TMEM132D: variants seen among roughly 807,000 people sequenced by gnomAD.
The protein encoded by TMEM132D is transmembrane protein 132D.
A neutral mutation model predicts 62.3 loss-of-function variants in TMEM132D; 21 were observed. The observed-to-expected ratio is 0.34, with a 90% CI of 0.24 to 0.49. TMEM132D has a LOEUF of 0.49. Ranked by LOEUF, TMEM132D falls within the 20% of genes least tolerant of loss-of-function variation. The probability of loss-of-function intolerance (pLI) is 0.99; values close to 1 mark genes in which losing one functional copy is unlikely to be tolerated. For synonymous variants in TMEM132D, 621 were observed against 575.6 expected (o/e 1.08, Z -1.13); for missense variants, 1,346 against 1,402.8 (o/e 0.96, Z 0.65).
intron 2 of TMEM132D, among the ~76,000 whole-genome samples, chr12:129,544,498 T>C (rs1876677891): frequency 6.6e-6 from 1 of 152,254 alleles, no homozygotes; most frequent in South Asian, 2.1e-4. Context: ...TTTCTTGGAC[T>C]ATCCACTTGC....
intron 1 of TMEM132D, among the ~76,000 whole-genome samples, chr12:129,815,466 C>T (rs945907982): frequency 1.3e-5 from 2 of 152,222 alleles, no homozygotes; most frequent in African/African-American, 4.8e-5. Flanking sequence ...CGAACCCAAG[C>T]CTACAGCTAT....
chr12:129,358,677 T>G (rs1360238583), intron 3 of TMEM132D, among the ~76,000 whole-genome samples: 1 of 152,102 alleles, frequency 6.6e-6, no homozygotes, highest in East Asian at 1.9e-4. Context: ...AGGTATTTGG[T>G]GAAATAACAG....
chr12:129,291,242 G>C lies in TMEM132D; in HGVS notation c.1299+46392C>G, dbSNP rs552696182. ...GCCCTAATTTTAATGCATGCTAATA[G>C]ATGTGTTCATTATTGAGGAATTCAG... is the stretch of plus-strand genomic sequence containing the variant. On this transcript the variant is annotated intron_variant, in intron 4 of 8. Coordinates refer to ENST00000422113, the MANE Select transcript of TMEM132D (RefSeq NM_133448.3). 2.4e-4 allele frequency among the ~76,000 whole-genome samples: 36 copies of C among 152,286 alleles called. No individual in the cohort carries two copies. The East Asian group carries it at 6.9e-3, about 29-fold the overall frequency.
chr12:129,395,341 C>T (rs6486455), intron 3 of TMEM132D, among the ~76,000 whole-genome samples: 11,812 of 152,094 alleles, frequency 0.078, 1,085 homozygotes, highest in African/African-American at 0.23. Context: ...ACCTGAAGTC[C>T]AGTAACTAAG....
At chr12:129,731,884 G>A (rs893281308) in intron 1 of TMEM132D, among the ~76,000 whole-genome samples, 8 of 152,098 alleles carry the variant, frequency 5.3e-5, no homozygotes, top group Admixed American at 2.0e-4. Context: ...GGATGGTCTC[G>A]ATCTCCTGAC....
intron 5 of TMEM132D, among the ~76,000 whole-genome samples, chr12:129,135,709 C>A (rs771295815): frequency 2.6e-5 from 4 of 152,026 alleles, no homozygotes; most frequent in Non-Finnish European, 4.4e-5. Flanking sequence ...AGGATGTTAG[C>A]AGGGTTGGTT....
In TMEM132D at chr12:129,569,282, C is replaced by T. The variant is rs1424753238; in HGVS notation, c.969-38077G>A. Among the ~76,000 whole-genome samples, 6 of 152,296 alleles carry T rather than the reference C, an allele frequency of 3.9e-5. No homozygotes were observed. In the East Asian group the frequency reaches 7.7e-4, roughly 20 times the overall value. On this transcript the variant is annotated intron_variant, in intron 2 of 8. Coordinates refer to ENST00000422113, the MANE Select transcript of TMEM132D (RefSeq NM_133448.3). ...TCTCTGCACTACAAGTGCAAAGATG[C>T]TCAGGGCAACCAGTAGCTGGAATCA...
At chr12:129,833,786 G>A (rs1381233557) in intron 1 of TMEM132D, among the ~76,000 whole-genome samples, 1 of 152,196 alleles carries the variant, frequency 6.6e-6, no homozygotes, top group African/African-American at 2.4e-5. Flanking sequence ...CTGCCCATGG[G>A]CAAGGCATTT....
chr12:129,196,771 A>T (rs897797811), intron 5 of TMEM132D, among the ~76,000 whole-genome samples: 6 of 152,210 alleles, frequency 3.9e-5, no homozygotes, highest in African/African-American at 1.4e-4. Flanking sequence ...AAGAAAAGTG[A>T]TCTAAACAAT....
At chr12:129,406,619 CAAA>C (rs772303670) in intron 3 of TMEM132D, among the ~76,000 whole-genome samples, 8 of 102,062 alleles carry the variant, frequency 7.8e-5, no homozygotes, top group African/African-American at 1.3e-4. Context: ...GACTCCACCT[CAAA>C]AAAAAAAAAA....
chr12:129,361,099 A>C (rs976633808), intron 3 of TMEM132D, among the ~76,000 whole-genome samples: 3 of 152,112 alleles, frequency 2.0e-5, no homozygotes, highest in South Asian at 2.1e-4. Context: ...CTGAGCAATT[A>C]ATGGCTTGAA....
chr12:129,374,200 G>T (rs185982085), intron 3 of TMEM132D, among the ~76,000 whole-genome samples: 11 of 151,972 alleles, frequency 7.2e-5, no homozygotes, highest in Admixed American at 2.6e-4. Flanking sequence ...CAGGGTGCTA[G>T]CATGGTCAGG....
intron 5 of TMEM132D, among the ~76,000 whole-genome samples, chr12:129,155,129 G>T (rs1298151714): frequency 2.0e-5 from 3 of 152,196 alleles, no homozygotes; most frequent in Non-Finnish European, 4.4e-5. Context: ...ACATTTGCAA[G>T]AATGCACAGA....
chr12:129,490,199 C>T (rs1874723748), intron 3 of TMEM132D, among the ~76,000 whole-genome samples: 1 of 152,100 alleles, frequency 6.6e-6, no homozygotes, highest in Non-Finnish European at 1.5e-5. Flanking sequence ...TACCAAGCTA[C>T]TCCACACAAT....
chr12:129,181,133 T>G (rs542715808), intron 5 of TMEM132D, among the ~76,000 whole-genome samples: 1 of 152,170 alleles, frequency 6.6e-6, no homozygotes, highest in African/African-American at 2.4e-5. Flanking sequence ...TCATACTCAA[T>G]TCAAACCCAA....
chr12:129,099,046 T>C (rs780669712), intron 5 of TMEM132D, among the ~76,000 whole-genome samples: 1 of 152,332 alleles, frequency 6.6e-6, no homozygotes, highest in East Asian at 1.9e-4. Context: ...GGAAGAAAGA[T>C]GGAAATCTGT....
intron 1 of TMEM132D, among the ~76,000 whole-genome samples, chr12:129,828,766 GGGAGGGAGGAAGAAAA>G (rs1872738781): frequency 8.9e-6 from 1 of 112,522 alleles, no homozygotes; most frequent in African/African-American, 3.3e-5. Flanking sequence ...AAAGGAGGGA[GGGAGGGAGGAAGAAAA>G]GGAGGGAGGG....
At chr12:129,458,753 G>T (rs909374212) in intron 3 of TMEM132D, among the ~76,000 whole-genome samples, 1 of 152,106 alleles carries the variant, frequency 6.6e-6, no homozygotes, top group Non-Finnish European at 1.5e-5. Context: ...GCTCATATTC[G>T]GCCGATGCGC....
At chr12:129,493,139 CTCTT>C (rs888457526) in intron 3 of TMEM132D, among the ~76,000 whole-genome samples, 18 of 152,252 alleles carry the variant, frequency 1.2e-4, no homozygotes, top group African/African-American at 3.6e-4. Flanking sequence ...AATTCTCTCT[CTCTT>C]TAACTTCATG....
Sources: gnomAD v4.1 joint callset for allele counts (sites outside exome capture counted in the v4.1 genomes callset) on GRCh38, gnomAD v4.1.1 for gene constraint, MANE v1.5 for transcripts, NCBI Gene and HGNC (gene_info 2026-07-23, HGNC 2026-07-21) for gene names.